Variants in KCNMB2 observed in about 807,000 individuals in gnomAD.
The protein encoded by KCNMB2 is potassium calcium-activated channel subfamily M regulatory beta subunit 2, also known as calcium-activated potassium channel subunit beta-2.
KCNMB2 carries 9 observed loss-of-function variants against 24.5 expected under a neutral mutation model. That is an observed-to-expected ratio of 0.37 (90% confidence interval 0.22 to 0.64). The LOEUF (loss-of-function observed/expected upper bound fraction) is 0.64. Among genes scored for constraint, KCNMB2 ranks in the 30% least tolerant of loss-of-function variants. The pLI, the probability that KCNMB2 is intolerant of heterozygous loss-of-function variation, is 0.63. For synonymous variants in KCNMB2, 109 were observed against 104.4 expected (o/e 1.04, Z -0.27); for missense variants, 226 against 284.3 (o/e 0.79, Z 1.47).
rs559488693 is a variant in KCNMB2 at position 178,607,623 on chromosome 3, G to T, written c.-68+70912G>T. Among the ~76,000 whole-genome samples, 88 of 147,204 alleles carry T rather than the reference G, an allele frequency of 6.0e-4. 1 individual carries two copies. The highest frequency in any genetic ancestry group is 5.0e-3 in the Admixed American group (76 of 15,138). ...GCATTAGTCCCTCCAAATTCATTGT[G>T]CATGCGTGTGTGTGTGTGTGTGTGT... On this transcript the variant is annotated intron_variant, in intron 1 of 4. Transcript: ENST00000452583.
At chr3:178,667,858 C>T (rs1208506008) in intron 1 of KCNMB2, among the ~76,000 whole-genome samples, 1 of 152,118 alleles carries the variant, frequency 6.6e-6, no homozygotes, top group Non-Finnish European at 1.5e-5. Context: ...ATTTCTTCCC[C>T]TACCTCAGGG....
intron 2 of KCNMB2, among the ~76,000 whole-genome samples, chr3:178,811,280 G>A (rs1163577569): frequency 6.6e-6 from 1 of 152,026 alleles, no homozygotes; most frequent in African/African-American, 2.4e-5. Flanking sequence ...AAAACAATCA[G>A]AATTTTTGAA....
intron 1 of KCNMB2, among the ~76,000 whole-genome samples, chr3:178,797,295 C>T (rs1231453202): frequency 6.6e-6 from 1 of 152,126 alleles, no homozygotes; most frequent in Non-Finnish European, 1.5e-5. Context: ...CTGCTGAATT[C>T]TACCAAACAC....
intron 1 of KCNMB2, among the ~76,000 whole-genome samples, chr3:178,601,132 G>A (rs1718067320): frequency 6.6e-6 from 1 of 151,142 alleles, no homozygotes; most frequent in Non-Finnish European, 1.5e-5. Context: ...CTCAAATGTG[G>A]GAGTTGAACA....
At chr3:178,661,809 T>C (rs750356343) in intron 1 of KCNMB2, among the ~76,000 whole-genome samples, 3 of 152,190 alleles carry the variant, frequency 2.0e-5, no homozygotes, top group Admixed American at 6.6e-5. Context: ...CATTGAAGTG[T>C]GAGAAGCTCT....
intron 1 of KCNMB2, among the ~76,000 whole-genome samples, chr3:178,781,452 C>T (rs1181450171): frequency 4.6e-5 from 7 of 151,896 alleles, no homozygotes; most frequent in African/African-American, 1.5e-4. Flanking sequence ...ATCAGCCAAG[C>T]GTGGTGGCAC....
intron 1 of KCNMB2, among the ~76,000 whole-genome samples, chr3:178,649,328 A>T (rs1348888516): frequency 1.3e-5 from 2 of 152,030 alleles, no homozygotes; most frequent in Admixed American, 1.3e-4. Context: ...TTCTTTTCAT[A>T]TTTTTACTAT....
chr3:178,714,513 G>A (rs1722555213), intron 1 of KCNMB2, among the ~76,000 whole-genome samples: 1 of 152,200 alleles, frequency 6.6e-6, no homozygotes, highest in African/African-American at 2.4e-5. Flanking sequence ...TGACTGGGGA[G>A]GGTTCTTGGA....
chr3:178,719,553 C>G (rs1559988229), intron 1 of KCNMB2, among the ~76,000 whole-genome samples: 1 of 152,070 alleles, frequency 6.6e-6, no homozygotes, highest in Non-Finnish European at 1.5e-5. Context: ...CTTTTTCTTT[C>G]TTTTTTTGCT....
intron 1 of KCNMB2, among the ~76,000 whole-genome samples, chr3:178,696,099 C>CT (rs1721864792): frequency 6.6e-6 from 1 of 152,192 alleles, no homozygotes. Flanking sequence ...TAAACATGTC[C>CT]TTCTTCATAT....
intron 1 of KCNMB2, among the ~76,000 whole-genome samples, chr3:178,606,578 A>G (rs1334958964): frequency 6.6e-6 from 1 of 151,336 alleles, no homozygotes; most frequent in Non-Finnish European, 1.5e-5. Flanking sequence ...CTGGAGAGCA[A>G]TTTGTCTCTG....
chr3:178,797,401 C>T (rs1008831977), intron 1 of KCNMB2, among the ~76,000 whole-genome samples: 13 of 152,066 alleles, frequency 8.5e-5, no homozygotes, highest in Non-Finnish European at 1.6e-4. Flanking sequence ...CATTATTACC[C>T]AGACACAAAA....
At chr3:178,793,918 A>G (rs1713428683) in intron 1 of KCNMB2, among the ~76,000 whole-genome samples, 1 of 152,136 alleles carries the variant, frequency 6.6e-6, no homozygotes, top group Non-Finnish European at 1.5e-5. Context: ...AGGGAACAAG[A>G]CAAACAAACA....
chr3:178,579,927 A>T (rs1252717347), intron 1 of KCNMB2, among the ~76,000 whole-genome samples: 2 of 152,190 alleles, frequency 1.3e-5, no homozygotes, highest in African/African-American at 2.4e-5. Context: ...TCACAGCCGA[A>T]TTCTATCAGA....
intron 1 of KCNMB2, among the ~76,000 whole-genome samples, chr3:178,621,215 G>A (rs1021253370): frequency 6.6e-6 from 1 of 151,998 alleles, no homozygotes; most frequent in Non-Finnish European, 1.5e-5. Flanking sequence ...AGATAACAAG[G>A]GAGGAACAGA....
rs189995943 is a variant in KCNMB2, at chr3:178,709,375, T to A, written c.-67-97968T>A. Among the ~76,000 whole-genome samples the A allele has an allele frequency of 5.3e-4, 80 of 152,290 alleles. 1 individual carries two copies. In the Middle Eastern group the frequency reaches 0.01, roughly 19 times the overall value. ...CACCTGGGCTTCAGCTCTAGGGAAGTCTTGAATTAAACTTCTAGCTATAGG... is the reference window on the plus strand; with the variant it reads ...CACCTGGGCTTCAGCTCTAGGGAAGACTTGAATTAAACTTCTAGCTATAGG... On this transcript the variant is annotated intron_variant, in intron 1 of 4. Coordinates refer to ENST00000452583, the MANE Select transcript of KCNMB2 (RefSeq NM_181361.3).
chr3:178,557,464 G>A (rs1716164216), intron 1 of KCNMB2, among the ~76,000 whole-genome samples: 1 of 152,166 alleles, frequency 6.6e-6, no homozygotes, highest in South Asian at 2.1e-4. Flanking sequence ...CATTGAGGGT[G>A]CAAAAGTAAG....
intron 1 of KCNMB2, chr3:178,748,583 G>A (rs530681177): frequency 1.3e-5 from 2 of 152,304 alleles, no homozygotes; most frequent in Admixed American, 6.5e-5. Context: ...TAAGTAGAGA[G>A]TTTGTATAAA....
intron 1 of KCNMB2, among the ~76,000 whole-genome samples, chr3:178,642,607 G>A (rs868820312): frequency 1.3e-5 from 2 of 152,158 alleles, no homozygotes; most frequent in Non-Finnish European, 2.9e-5. Context: ...CTCTCATCAG[G>A]TTTTTATACA....
Sources: allele counts gnomAD v4.1 joint callset (sites outside exome capture counted in the v4.1 genomes callset), GRCh38; gene constraint gnomAD v4.1.1; transcripts MANE v1.5; gene names NCBI Gene and HGNC (gene_info 2026-07-23, HGNC 2026-07-21).